FBXO34: variants seen among roughly 807,000 people sequenced by gnomAD.
FBXO34 encodes F-box protein 34, also known as F-box only protein 34.
A neutral mutation model predicts 24.5 loss-of-function variants in FBXO34; 12 were observed. That is an observed-to-expected ratio of 0.49 (90% CI 0.31 to 0.79). FBXO34 has a LOEUF of 0.79. Among genes scored for constraint, FBXO34 ranks in the 30% least tolerant of loss-of-function variants. The pLI is 0.04. For missense variants in FBXO34, 823 were observed against 857.7 expected, an observed-to-expected ratio of 0.96 and a Z score of 0.51; for synonymous variants, 320 against 311.9, an observed-to-expected ratio of 1.03 and a Z score of -0.27.
At chr14:55,425,504 G>A in the FBXO34 span, among the ~76,000 whole-genome samples, 1 of 152,202 alleles carries the variant, frequency 6.6e-6, no homozygotes, top group East Asian at 1.9e-4. Context: ...CCAGTATAAT[G>A]TGCTCCCAAT....
intron 1 of FBXO34, among the ~76,000 whole-genome samples, chr14:55,308,254 C>T (rs557246916): frequency 1.3e-5 from 2 of 152,146 alleles, no homozygotes; most frequent in Non-Finnish European, 2.9e-5. Flanking sequence ...TTGTTCTAAA[C>T]ATATTTTTCA....
the FBXO34 span, among the ~76,000 whole-genome samples, chr14:55,381,681 A>G: frequency 6.6e-6 from 1 of 152,254 alleles, no homozygotes; most frequent in African/African-American, 2.4e-5. Context: ...CCATTTATAT[A>G]AGCTGCCCAG....
the FBXO34 span, chr14:55,411,473 C>T: frequency 1.1e-6 from 1 of 917,454 alleles, no homozygotes; most frequent in African/African-American, 1.7e-5. Flanking sequence ...CAGCTAGCTA[C>T]ACTCCCTCTC....
At chr14:55,388,581 T>TATAATACAG in the FBXO34 span, among the ~76,000 whole-genome samples, 1 of 152,372 alleles carries the variant, frequency 6.6e-6, no homozygotes, top group East Asian at 1.9e-4. Context: ...TGTATTATAC[T>TATAATACAG]ATATAATGTA....
At chr14:55,275,789 A>C (rs1471181216) in intron 1 of FBXO34, among the ~76,000 whole-genome samples, 1 of 146,504 alleles carries the variant, frequency 6.8e-6, no homozygotes, top group Non-Finnish European at 1.5e-5. Flanking sequence ...GCGCCACTGC[A>C]CTTAAGCCTG....
At chr14:55,313,538 G>T (rs1882821882) in intron 1 of FBXO34, among the ~76,000 whole-genome samples, 1 of 152,040 alleles carries the variant, frequency 6.6e-6, no homozygotes, top group African/African-American at 2.4e-5. Flanking sequence ...TTCTCACATT[G>T]CTGTAAAAAA....
At chr14:55,434,422 C>G in the FBXO34 span, among the ~76,000 whole-genome samples, 1 of 152,126 alleles carries the variant, frequency 6.6e-6, no homozygotes, top group Non-Finnish European at 1.5e-5. Flanking sequence ...TCTCTTCACC[C>G]CAACTCCTCT....
intron 1 of FBXO34, among the ~76,000 whole-genome samples, chr14:55,291,752 C>T (rs1289518541): frequency 6.6e-6 from 1 of 151,982 alleles, no homozygotes; most frequent in Non-Finnish European, 1.5e-5. Context: ...AGGAGAATTG[C>T]TTGAGCCCAG....
rs1161540199 is a variant in FBXO34, at chr14:55,313,308, C to G, written c.-10-37073C>G. On this transcript the variant is annotated intron_variant, in intron 1 of 1. Coordinates refer to ENST00000313833, the MANE Select transcript of FBXO34 (RefSeq NM_017943.4). Reference sequence around the variant, plus strand: ...TCCTCTTCATCTGAGACCACCTCATCCTGGACTTCATTGACCATATCACTA... The same window carrying G: ...TCCTCTTCATCTGAGACCACCTCATGCTGGACTTCATTGACCATATCACTA... 5.9e-4 allele frequency among the ~76,000 whole-genome samples: 90 copies of G among 152,320 alleles called. 1 individual carries two copies. The highest frequency in any genetic ancestry group is 5.8e-3 in the Admixed American group (88 of 15,300).
intron 2 of FBXO34, chr14:55,367,129 C>T (rs767535017): frequency 6.6e-6 from 1 of 152,460 alleles, no homozygotes; most frequent in Non-Finnish European, 1.5e-5. Context: ...TTTGTGATCT[C>T]TGGATTCTAT....
intron 1 of FBXO34, among the ~76,000 whole-genome samples, chr14:55,347,572 C>T (rs193156837): frequency 5.9e-5 from 9 of 152,292 alleles, no homozygotes; most frequent in African/African-American, 2.2e-4. Context: ...CACAGAATCA[C>T]CCCACTTTGC....
chr14:55,296,171 C>T (rs1882114599), intron 1 of FBXO34, among the ~76,000 whole-genome samples: 1 of 151,986 alleles, frequency 6.6e-6, no homozygotes, highest in Admixed American at 6.6e-5. Flanking sequence ...TAAATAAAGC[C>T]AGAGTTGGCT....
chr14:55,416,054 A>C, the FBXO34 span, among the ~76,000 whole-genome samples: 1 of 152,182 alleles, frequency 6.6e-6, no homozygotes, highest in South Asian at 2.1e-4. Context: ...TGGAGACAGA[A>C]TTCAGATTGG....
chr14:55,424,865 A>G, the FBXO34 span, among the ~76,000 whole-genome samples: 8 of 152,312 alleles, frequency 5.3e-5, no homozygotes, highest in African/African-American at 1.7e-4. Flanking sequence ...AGCACTTAAG[A>G]GCTTCTTCTC....
At chr14:55,324,880 T>C (rs890763998) in intron 1 of FBXO34, among the ~76,000 whole-genome samples, 4 of 151,930 alleles carry the variant, frequency 2.6e-5, no homozygotes, top group African/African-American at 9.7e-5. Flanking sequence ...CAGTCTGGAG[T>C]CTGAGAAGTC....
chr14:55,431,457 C>A, the FBXO34 span, among the ~76,000 whole-genome samples: 1 of 152,220 alleles, frequency 6.6e-6, no homozygotes, highest in African/African-American at 2.4e-5. Flanking sequence ...CCTTTCAGCT[C>A]AGTATGTGTA....
intron 1 of FBXO34, among the ~76,000 whole-genome samples, chr14:55,323,024 A>AAAAAAAAC (rs1555337877): frequency 1.1e-4 from 8 of 70,632 alleles, no homozygotes; most frequent in African/African-American, 3.6e-4. Flanking sequence ...ATACAAAAAA[A>AAAAAAAAC]AAAAAAAAAG....
chr14:55,358,858 C>A (rs541004347), intron 3 of FBXO34, among the ~76,000 whole-genome samples: 2 of 152,218 alleles, frequency 1.3e-5, no homozygotes, highest in African/African-American at 4.8e-5. Flanking sequence ...CCAGGTGATT[C>A]CAGTTGCAGG....
At chr14:55,406,553 G>A in the FBXO34 span, among the ~76,000 whole-genome samples, 2 of 152,206 alleles carry the variant, frequency 1.3e-5, no homozygotes, top group African/African-American at 2.4e-5. Context: ...CTTGAGAGCA[G>A]AGACCTGTCT....
Sources: gnomAD v4.1 joint callset for allele counts (sites outside exome capture counted in the v4.1 genomes callset) on GRCh38, gnomAD v4.1.1 for gene constraint, MANE v1.5 for transcripts, NCBI Gene and HGNC (gene_info 2026-07-23, HGNC 2026-07-21) for gene names.